Variants in PKIB observed in about 807,000 individuals in gnomAD.
PKIB encodes the protein PKI-beta.
A neutral mutation model predicts 4.5 loss-of-function variants in PKIB; 2 were observed. The observed-to-expected ratio is 0.44, with a 90% CI of 0.18 to 1.39. The LOEUF (loss-of-function observed/expected upper bound fraction) is 1.39, where lower values mean the gene tolerates loss of function less well. Ranked by LOEUF, PKIB falls within the 40% of genes most tolerant of loss-of-function variation. The probability of loss-of-function intolerance (pLI) is 0.27; values close to 1 mark genes in which losing one functional copy is unlikely to be tolerated. For missense variants in PKIB, 94 were observed against 92.6 expected, an observed-to-expected ratio of 1.02 and a Z score of -0.06; for synonymous variants, 38 against 36.0, an observed-to-expected ratio of 1.06 and a Z score of -0.20.
rs559438870 is a variant in PKIB at position 122,657,905 on chromosome 6, T to G, written c.-75-17173T>G. On this transcript the variant is annotated intron_variant, in intron 2 of 4. Transcript: ENST00000368452. ...ATAACTAAAGATAAGGGTTTTGTCA[T>G]ATATCAGATATGTGTGGTGTGTACG... Among the ~76,000 whole-genome samples, 3 of 152,364 alleles carry G rather than the reference T, an allele frequency of 2.0e-5. No homozygotes were observed. In the South Asian group the frequency reaches 6.2e-4, roughly 32 times the overall value.
chr6:122,700,333 C>A (rs1166932019), intron 3 of PKIB, among the ~76,000 whole-genome samples: 1 of 147,668 alleles, frequency 6.8e-6, no homozygotes, highest in Non-Finnish European at 1.5e-5. Flanking sequence ...ATCCTCTTTA[C>A]CCTGATGATA....
At chr6:122,624,509 G>T (rs539131004) in intron 1 of PKIB, among the ~76,000 whole-genome samples, 1 of 152,116 alleles carries the variant, frequency 6.6e-6, no homozygotes, top group Non-Finnish European at 1.5e-5. Flanking sequence ...TAATGAACAC[G>T]TCTATGAACT....
At chr6:122,604,871 A>G (rs188729675) in intron 3 of PKIB, among the ~76,000 whole-genome samples, 15 of 152,338 alleles carry the variant, frequency 9.8e-5, no homozygotes, top group Non-Finnish European at 1.9e-4. Flanking sequence ...CTACAATGGT[A>G]ATGAAGGAAT....
rs9490476 is a variant in PKIB at position 122,541,848 on chromosome 6, A to G, written c.-247-44073A>G. 5.8e-4 allele frequency among the ~76,000 whole-genome samples: 88 copies of G among 150,586 alleles called. 2 individuals are homozygous for G. The highest frequency in any genetic ancestry group is 2.2e-3 in the African/African-American group (88 of 40,908). On this transcript the variant is annotated intron_variant, in intron 2 of 6. Transcript: ENST00000392491. ...TCAGACGTAGATTTGGTCTTTTCAC[A>G]TAGTCCCATATTTCTCGGAGGCTTT...
chr6:122,645,984 A>C (rs984368538), intron 2 of PKIB, among the ~76,000 whole-genome samples: 1 of 151,094 alleles, frequency 6.6e-6, no homozygotes, highest in Non-Finnish European at 1.5e-5. Flanking sequence ...TTTTTTTTGC[A>C]AAGGTCATAG....
At chr6:122,562,005 T>TTTTTTTTTTTTTTTTG (rs1773045086) in intron 2 of PKIB, among the ~76,000 whole-genome samples, 1 of 118,890 alleles carries the variant, frequency 8.4e-6, no homozygotes, top group African/African-American at 4.5e-5. Flanking sequence ...TTTTTTTTTG[T>TTTTTTTTTTTTTTTTG]TTTTTTTTTT....
chr6:122,698,951 G>C (rs1778687290), intron 3 of PKIB, among the ~76,000 whole-genome samples: 2 of 152,194 alleles, frequency 1.3e-5, no homozygotes, highest in Non-Finnish European at 2.9e-5. Flanking sequence ...TTTGTACTAT[G>C]TGTGAAATAT....
intron 3 of PKIB, among the ~76,000 whole-genome samples, chr6:122,598,706 C>T (rs541172320): frequency 2.6e-5 from 4 of 152,314 alleles, no homozygotes; most frequent in South Asian, 2.1e-4. Context: ...ATCCCTTCCT[C>T]TACATTAAAC....
intron 3 of PKIB, among the ~76,000 whole-genome samples, chr6:122,587,330 T>C (rs932143738): frequency 4.6e-5 from 7 of 152,208 alleles, no homozygotes; most frequent in African/African-American, 7.2e-5. Context: ...TCCAGCTTCA[T>C]CCATGTCCCT....
At chr6:122,704,647 A>G (rs1181096921) in intron 3 of PKIB, among the ~76,000 whole-genome samples, 4 of 152,158 alleles carry the variant, frequency 2.6e-5, no homozygotes, top group Non-Finnish European at 4.4e-5. Flanking sequence ...ACCAATTCTT[A>G]AATACTTAGA....
chr6:122,711,613 T>A (rs1489495889), intron 3 of PKIB, among the ~76,000 whole-genome samples: 1 of 152,088 alleles, frequency 6.6e-6, no homozygotes, highest in East Asian at 1.9e-4. Flanking sequence ...TAAATCTGAC[T>A]CCCCCAAACA....
intron 1 of PKIB, among the ~76,000 whole-genome samples, chr6:122,624,740 A>T (rs945120847): frequency 1.4e-4 from 21 of 152,310 alleles, no homozygotes; most frequent in African/African-American, 4.6e-4. Context: ...GCTGAATTTG[A>T]ATCCCAGCTC....
At chr6:122,604,304 G>A (rs1367378575) in intron 3 of PKIB, among the ~76,000 whole-genome samples, 1 of 152,172 alleles carries the variant, frequency 6.6e-6, no homozygotes. Flanking sequence ...AACACATGGA[G>A]GAAAGTCTGT....
chr6:122,666,352 C>G (rs1777218989), intron 2 of PKIB, among the ~76,000 whole-genome samples: 1 of 152,128 alleles, frequency 6.6e-6, no homozygotes, highest in African/African-American at 2.4e-5. Flanking sequence ...TTTAGCTAAC[C>G]AAAATCATGT....
chr6:122,569,558 G>A (rs1773296098), intron 2 of PKIB, among the ~76,000 whole-genome samples: 2 of 152,054 alleles, frequency 1.3e-5, no homozygotes, highest in South Asian at 4.1e-4. Flanking sequence ...ATCAACCAAG[G>A]AATCTCACAG....
At chr6:122,698,416 A>G (rs964420092) in intron 3 of PKIB, among the ~76,000 whole-genome samples, 3 of 152,242 alleles carry the variant, frequency 2.0e-5, no homozygotes, top group South Asian at 2.1e-4. Context: ...TGCTGCTCCA[A>G]TGCATTACCA....
chr6:122,673,702 C>T (rs1777554858), intron 2 of PKIB, among the ~76,000 whole-genome samples: 2 of 152,178 alleles, frequency 1.3e-5, no homozygotes, highest in South Asian at 4.1e-4. Flanking sequence ...CCTTGACATT[C>T]AACAGGTATT....
intron 3 of PKIB, among the ~76,000 whole-genome samples, chr6:122,697,348 T>C (rs1399553751): frequency 7.2e-5 from 11 of 152,026 alleles, no homozygotes; most frequent in Non-Finnish European, 4.4e-5. Flanking sequence ...ATTTTTGGCT[T>C]TATGCTACAA....
At chr6:122,506,922 C>T (rs1337276125) in intron 2 of PKIB, among the ~76,000 whole-genome samples, 6 of 151,702 alleles carry the variant, frequency 4.0e-5, no homozygotes, top group African/African-American at 9.7e-5. Flanking sequence ...AGGATGGTCT[C>T]GATCTCCTGA....
Sources: gnomAD v4.1 joint callset for allele counts (sites outside exome capture counted in the v4.1 genomes callset) on GRCh38, gnomAD v4.1.1 for gene constraint, MANE v1.5 for transcripts, NCBI Gene and HGNC (gene_info 2026-07-23, HGNC 2026-07-21) for gene names.